TRIO: variants seen among roughly 807,000 people sequenced by gnomAD.
TRIO encodes trio Rho guanine nucleotide exchange factor.
Under a neutral mutation model 351.9 loss-of-function variants are expected in TRIO, and 58 were observed. That is an observed-to-expected ratio of 0.16 (90% CI 0.13 to 0.21). The LOEUF is 0.21. Ranked by LOEUF, TRIO falls within the 10% of genes least tolerant of loss-of-function variation. TRIO has a pLI of 1.00. For synonymous variants in TRIO, 1,758 were observed against 1,595.7 expected, an observed-to-expected ratio of 1.10 and a Z score of -2.42; for missense variants, 3,201 against 4,027.8, an observed-to-expected ratio of 0.79 and a Z score of 5.56.
Position 14,471,363 on chromosome 5 carries a change from AG to A in TRIO, c.5810del (p.Ser1937IlefsTer31). ...CTCACTCCTTGTTGACCAGGGAGATAGTAGCAGCCCTTCCTTCAACCCTTCG... is the reference window on the plus strand; with the variant it reads ...CTCACTCCTTGTTGACCAGGGAGATATAGCAGCCCTTCCTTCAACCCTTCG... ...PSSLLVDQGD[S>X]SSPSFNPSDN... On this transcript the variant is annotated frameshift_variant, in exon 38 of 57. Transcript: ENST00000344204. LOFTEE classifies it high-confidence loss of function. 1 of 1,614,174 alleles carries A rather than the reference AG, an allele frequency of 6.2e-7. No individual in the cohort carries two copies.
chr5:14,218,756 T>A (rs1287903775), intron 1 of TRIO, among the ~76,000 whole-genome samples: 4 of 152,110 alleles, frequency 2.6e-5, no homozygotes, highest in Non-Finnish European at 4.4e-5. Context: ...GCTGTGGGGG[T>A]TCCGCGGCCA....
chr5:14,419,885 G>A lies in TRIO; in HGVS notation c.5067G>A (p.Pro1689=), dbSNP rs771981292. The A allele has an allele frequency of 1.1e-5, 17 of 1,613,984 alleles. No individual in the cohort carries two copies. Among genetic ancestry groups the A allele is most frequent in the African/African-American group, 4.0e-5 (3 of 74,930 alleles). Residue 1689 remains proline, a synonymous_variant, in exon 34 of 57, where the codon CCG becomes CCA. Coordinates refer to ENST00000344204, the MANE Select transcript of TRIO (RefSeq NM_007118.4). ...RGQTVEVLER[P]HDKPDWCLVR... The stretch of plus-strand genomic sequence containing the variant: ...AGACCGTGGAAGTTCTGGAGCGGCC[G>A]CATGACAAGCCTGACTGGTGTCTGG...
chr5:14,308,563 C>T (rs1473502085), intron 8 of TRIO, among the ~76,000 whole-genome samples: 3 of 151,990 alleles, frequency 2.0e-5, no homozygotes, highest in Non-Finnish European at 2.9e-5. Flanking sequence ...CCCAACCACC[C>T]ATTCATCTGT....
intron 34 of TRIO, among the ~76,000 whole-genome samples, chr5:14,455,719 A>G (rs1311288168): frequency 1.3e-5 from 2 of 152,042 alleles, no homozygotes; most frequent in Non-Finnish European, 2.9e-5. Context: ...TGATTGGTGC[A>G]TCCATGAACC....
intron 49 of TRIO, among the ~76,000 whole-genome samples, chr5:14,496,350 C>T (rs1183082613): frequency 1.3e-5 from 2 of 152,264 alleles, no homozygotes; most frequent in East Asian, 1.9e-4. Context: ...ACTGGCAAGT[C>T]CAAATCTGCA....
intron 21 of TRIO, among the ~76,000 whole-genome samples, chr5:14,381,612 A>T (rs947608412): frequency 9.2e-5 from 14 of 151,948 alleles, no homozygotes; most frequent in African/African-American, 3.4e-4. Context: ...GTTGACCTTT[A>T]TGTATTCTTG....
chr5:14,186,665 C>T (rs1354495425), intron 1 of TRIO, among the ~76,000 whole-genome samples: 3 of 151,982 alleles, frequency 2.0e-5, no homozygotes, highest in Admixed American at 6.6e-5. Context: ...GCAGCCTCTG[C>T]CCCCCTGGTT....
intron 33 of TRIO, among the ~76,000 whole-genome samples, chr5:14,413,126 C>A (rs936209729): frequency 6.6e-6 from 1 of 152,248 alleles, no homozygotes; most frequent in African/African-American, 2.4e-5. Flanking sequence ...TCAGCCTCCC[C>A]TTCCTTCATC....
At chr5:14,435,312 A>C (rs62345051) in intron 34 of TRIO, among the ~76,000 whole-genome samples, 1 of 152,248 alleles carries the variant, frequency 6.6e-6, no homozygotes, top group African/African-American at 2.4e-5. Context: ...GGAGAAGCTG[A>C]GCTCCTCCCC....
intron 1 of TRIO, among the ~76,000 whole-genome samples, chr5:14,154,101 C>T (rs1787972764): frequency 6.6e-6 from 1 of 152,154 alleles, no homozygotes; most frequent in African/African-American, 2.4e-5. Flanking sequence ...TTACAGGCTC[C>T]CCCGGCTCAC....
At chr5:14,365,655 A>G (rs775982628) in intron 15 of TRIO, among the ~76,000 whole-genome samples, 1 of 152,276 alleles carries the variant, frequency 6.6e-6, no homozygotes, top group Non-Finnish European at 1.5e-5. Context: ...GAATAAATAA[A>G]TGTATCCCTT....
intron 31 of TRIO, 109 bp from the exon 32 acceptor site, chr5:14,405,739 A>T: frequency 7.3e-7 from 1 of 1,372,308 alleles, no homozygotes; most frequent in Non-Finnish European, 9.8e-7. Context: ...TCTGCTAAAA[A>T]GTCATTTTGA....
intron 9 of TRIO, among the ~76,000 whole-genome samples, chr5:14,327,901 G>A (rs1167425262): frequency 6.6e-6 from 1 of 152,240 alleles, no homozygotes; most frequent in African/African-American, 2.4e-5. Flanking sequence ...GAATGGACCT[G>A]TGTTTTATAA....
At chr5:14,241,939 G>A (rs143313413) in intron 1 of TRIO, among the ~76,000 whole-genome samples, 26 of 152,234 alleles carry the variant, frequency 1.7e-4, no homozygotes, top group Non-Finnish European at 3.5e-4. Flanking sequence ...AAAGTAAATT[G>A]TATTATTCCA....
At chr5:14,301,837 C>T (rs1359981440) in intron 7 of TRIO, among the ~76,000 whole-genome samples, 1 of 152,144 alleles carries the variant, frequency 6.6e-6, no homozygotes, top group East Asian at 1.9e-4. Context: ...TTTTGGAAAA[C>T]AATCAGGCCT....
chr5:14,351,375 C>T (rs1466226534), intron 11 of TRIO, among the ~76,000 whole-genome samples: 1 of 152,160 alleles, frequency 6.6e-6, no homozygotes, highest in Non-Finnish European at 1.5e-5. Context: ...TCTGAGATTC[C>T]ACCTGCAAGT....
chr5:14,308,731 A>ATCCG (rs1738622711), intron 8 of TRIO, among the ~76,000 whole-genome samples: 1 of 97,912 alleles, frequency 1.0e-5, no homozygotes. Context: ...CCATCCATCC[A>ATCCG]TCCATCCATC....
At chr5:14,472,521 C>T (rs764571183) in intron 38 of TRIO, 71 bp from the exon 39 acceptor site, 141 of 1,543,558 alleles carry the variant, frequency 9.1e-5, no homozygotes, top group Non-Finnish European at 1.2e-4. Flanking sequence ...TCCATCTTGA[C>T]CAGGAGCAAA....
Position 14,482,632 on chromosome 5 carries a change from C to T in TRIO, c.6516C>T (p.Val2172=), listed in dbSNP as rs1755611760. The part of the protein sequence containing the change: ...GKLLLQDTFL[V]TDQDAGLLPR... ...TGCTCTTGCAGGACACATTCTTGGT[C>T]ACAGACCAAGATGCAGGACTTCTGC... Residue 2172 remains valine, a synonymous_variant, in exon 46 of 57, where the codon GTC becomes GTT. Transcript: ENST00000344204. 1 of 1,590,744 alleles carries T rather than the reference C, an allele frequency of 6.3e-7. No individual in the cohort carries two copies. Among genetic ancestry groups the T allele is most frequent in the Non-Finnish European group, 8.6e-7 (1 of 1,165,380 alleles).
Sources: allele counts gnomAD v4.1 joint callset (sites outside exome capture counted in the v4.1 genomes callset), GRCh38; gene constraint gnomAD v4.1.1; transcripts MANE v1.5; gene names NCBI Gene and HGNC (gene_info 2026-07-23, HGNC 2026-07-21).